The following ROR1 variants were observed in gnomAD, a reference collection of about 807,000 sequenced individuals.
The protein encoded by ROR1 is inactive tyrosine-protein kinase transmembrane receptor ROR1.
A neutral mutation model predicts 78.8 loss-of-function variants in ROR1; 19 were observed. The observed-to-expected ratio is 0.24, with a 90% CI of 0.17 to 0.35. The LOEUF is 0.35. Among genes scored for constraint, ROR1 ranks in the 10% least tolerant of loss-of-function variants. The pLI is 1.00. For synonymous variants in ROR1, 386 were observed against 433.6 expected, an observed-to-expected ratio of 0.89 and a Z score of 1.36; for missense variants, 917 against 1,177.8, an observed-to-expected ratio of 0.78 and a Z score of 3.24.
chr1:64,058,535 T>C (rs1401829269), intron 4 of ROR1, among the ~76,000 whole-genome samples: 1 of 151,954 alleles, frequency 6.6e-6, no homozygotes, highest in African/African-American at 2.4e-5. Flanking sequence ...TGTTTTTTAC[T>C]ATGAAAAGCT....
intron 1 of ROR1, among the ~76,000 whole-genome samples, chr1:63,871,209 A>G (rs375649899): frequency 3.3e-5 from 5 of 152,282 alleles, no homozygotes; most frequent in Middle Eastern, 3.4e-3. Context: ...TATTTTCAGT[A>G]TTTCAAAATC....
intron 1 of ROR1, among the ~76,000 whole-genome samples, chr1:63,882,558 G>C (rs1370793930): frequency 6.6e-6 from 1 of 152,126 alleles, no homozygotes; most frequent in East Asian, 1.9e-4. Context: ...CCAAACCAGA[G>C]GATATTTGCT....
chr1:64,166,500 T>G (rs2100736379), intron 8 of ROR1, among the ~76,000 whole-genome samples: 1 of 152,360 alleles, frequency 6.6e-6, no homozygotes, highest in Middle Eastern at 3.4e-3. Context: ...ATGGAATGTT[T>G]TTTCATTTGT....
At chr1:63,928,940 C>G (rs1569927669) in intron 1 of ROR1, among the ~76,000 whole-genome samples, 1 of 152,132 alleles carries the variant, frequency 6.6e-6, no homozygotes, top group East Asian at 1.9e-4. Flanking sequence ...GGCCCTGTTA[C>G]AGGCCGAAGC....
chr1:63,824,148 A>G (rs886805694), intron 1 of ROR1, among the ~76,000 whole-genome samples: 1 of 152,186 alleles, frequency 6.6e-6, no homozygotes, highest in African/African-American at 2.4e-5. Flanking sequence ...TCCTTTGGGT[A>G]ATGGAACTGA....
intron 1 of ROR1, among the ~76,000 whole-genome samples, chr1:63,803,161 T>A (rs1257676573): frequency 6.6e-6 from 1 of 152,170 alleles, no homozygotes; most frequent in Non-Finnish European, 1.5e-5. Context: ...TGCAGGCATG[T>A]GAACACTTGG....
At chr1:64,027,464 A>C (rs540211298) in intron 2 of ROR1, among the ~76,000 whole-genome samples, 3 of 152,252 alleles carry the variant, frequency 2.0e-5, no homozygotes, top group Non-Finnish European at 4.4e-5. Flanking sequence ...AATTAACTAA[A>C]TCTCCTGTGA....
rs138923092 is a variant in ROR1 at position 63,916,766 on chromosome 1, C to T, written c.92-92539C>T. 5.6e-3 allele frequency among the ~76,000 whole-genome samples: 853 copies of T among 152,304 alleles called. 7 individuals are homozygous for T. Among genetic ancestry groups the T allele is most frequent in the African/African-American group, 0.02 (821 of 41,560 alleles). Reference sequence around the variant, plus strand: ...AGTAGGGGGAAGTGAGACAGTGGCCCAGGGTGCCAGTGATCTCATGGCTAA... The same window carrying T: ...AGTAGGGGGAAGTGAGACAGTGGCCTAGGGTGCCAGTGATCTCATGGCTAA... On this transcript the variant is annotated intron_variant, in intron 1 of 8. Transcript: ENST00000371079.
At position 64,178,067 on chromosome 1, in the gene ROR1, T is replaced by C. The variant is rs1225274668; in HGVS notation, c.2026T>C (p.Trp676Arg). Residue 676 changes from tryptophan to arginine, a missense_variant, in exon 9 of 9, where the codon TGG becomes CGG. By Grantham distance (101) the Trp-to-Arg change is moderately radical (BLOSUM62 -3). Around this residue, in one of 3 missense-constraint regions of ROR1, gnomAD observed 835 missense variants for 1,069.8 expected, o/e 0.78. Coordinates refer to ENST00000371079, the MANE Select transcript of ROR1 (RefSeq NM_005012.4). This position sits in a 1 kb window ranked among gnomAD's most constrained non-coding sequence, Gnocchi z 4.3. The part of the protein sequence containing the change: ...YGKFSSDSDI[W>R]SFGVVLWEIF... ...CAAATTCTCTTCTGATTCAGATATC[T>C]GGTCCTTTGGGGTTGTCTTGTGGGA... 1 of 1,614,074 alleles carries C rather than the reference T, an allele frequency of 6.2e-7. No homozygotes were observed. The highest frequency in any genetic ancestry group is 8.5e-7 in the Non-Finnish European group (1 of 1,180,050).
intron 4 of ROR1, among the ~76,000 whole-genome samples, chr1:64,115,173 A>C (rs755699971): frequency 1.3e-5 from 2 of 151,984 alleles, no homozygotes; most frequent in Non-Finnish European, 2.9e-5. Context: ...ACAGTTTCAC[A>C]TCTGGTACCT....
chr1:63,998,984 C>A (rs1646361661), intron 1 of ROR1, among the ~76,000 whole-genome samples: 1 of 152,328 alleles, frequency 6.6e-6, no homozygotes, highest in South Asian at 2.1e-4. Context: ...TTGCCAACGC[C>A]ATACTGTAAG....
chr1:64,122,619 G>A lies in ROR1; in HGVS notation c.483-14750G>A, dbSNP rs567313887. The stretch of plus-strand genomic sequence containing the variant: ...ACCAATAAATATCTGTGTTCTGGCT[G>A]ACCCCCATATGCTAGGATACTGGAG... On this transcript the variant is annotated intron_variant, in intron 4 of 8. Transcript: ENST00000371079. Among the ~76,000 whole-genome samples, 54 of 152,224 alleles carry A rather than the reference G, an allele frequency of 3.5e-4. No homozygotes were observed. The South Asian group carries it at 6.2e-3, about 18-fold the overall frequency.
At chr1:64,087,400 G>A (rs1407393111) in intron 4 of ROR1, among the ~76,000 whole-genome samples, 2 of 152,180 alleles carry the variant, frequency 1.3e-5, no homozygotes, top group Non-Finnish European at 2.9e-5. Flanking sequence ...CTGCCAATGC[G>A]GTTGGCATTC....
At chr1:64,040,561 C>G (rs755458805) in intron 2 of ROR1, among the ~76,000 whole-genome samples, 1 of 152,170 alleles carries the variant, frequency 6.6e-6, no homozygotes, top group Admixed American at 6.5e-5. Context: ...TATAAAACAA[C>G]AGAAACTTAT....
Position 64,178,720 on chromosome 1 carries a change from T to C in ROR1, c.2679T>C (p.His893=), listed in dbSNP as rs758432583. 2.5e-6 allele frequency: 4 copies of C among 1,614,062 alleles called. No individual in the cohort carries two copies. The East Asian group carries it at 6.7e-5, about 27-fold the overall frequency. ...PLLPHMSIPN[H]PGGMGITVFG... ...TACCACACATGTCAATTCCAAATCATCCTGGTGGAATGGGTATCACCGTTT... is the reference window on the plus strand; with the variant it reads ...TACCACACATGTCAATTCCAAATCACCCTGGTGGAATGGGTATCACCGTTT... Residue 893 remains histidine, a synonymous_variant, in exon 9 of 9, where the codon CAT becomes CAC. Transcript: ENST00000371079. This position sits in a 1 kb window ranked among gnomAD's most constrained non-coding sequence, Gnocchi z 4.3.
chr1:63,962,250 A>G (rs573427332), intron 1 of ROR1, among the ~76,000 whole-genome samples: 1 of 152,334 alleles, frequency 6.6e-6, no homozygotes, highest in African/African-American at 2.4e-5. Context: ...ACAGAGTGAG[A>G]CTGTCTCAAA....
At chr1:64,139,286 T>A (rs1021386443) in intron 5 of ROR1, among the ~76,000 whole-genome samples, 10 of 152,104 alleles carry the variant, frequency 6.6e-5, no homozygotes, top group South Asian at 2.1e-4. Context: ...AGTTTTTTTT[T>A]AAATTCATTT....
chr1:64,121,231 C>CTCCTTCCT (rs71056022), intron 4 of ROR1, among the ~76,000 whole-genome samples: 25 of 138,692 alleles, frequency 1.8e-4, no homozygotes, highest in African/African-American at 6.4e-4. Context: ...TCCTCCTTTC[C>CTCCTTCCT]TCCTTCCTTC....
chr1:63,777,786 T>C (rs1290679243), intron 1 of ROR1, among the ~76,000 whole-genome samples: 1 of 152,240 alleles, frequency 6.6e-6, no homozygotes, highest in Non-Finnish European at 1.5e-5. Flanking sequence ...CTATGGAGAA[T>C]GGAACACTTT....
Sources: gnomAD v4.1 joint callset for allele counts (sites outside exome capture counted in the v4.1 genomes callset) on GRCh38, gnomAD v4.1.1 for gene constraint, gnomAD v4.1.1 regional missense constraint, Gnocchi (gnomAD v3.1) non-coding constraint, MANE v1.5 for transcripts, NCBI Gene and HGNC (gene_info 2026-07-23, HGNC 2026-07-21) for gene names.